The following TRPM3 variants were observed in gnomAD, a reference collection of about 807,000 sequenced individuals.
The protein encoded by TRPM3 is transient receptor potential cation channel subfamily M member 3.
In TRPM3, 77 loss-of-function variants were observed where a neutral mutation model predicts 181.2. The observed-to-expected ratio is 0.42, with a 90% CI of 0.35 to 0.51. The LOEUF is 0.51. TRPM3 is among the 20% of genes least tolerant of loss of function. TRPM3 has a pLI of 0.01. For missense variants in TRPM3, 1,759 were observed against 2,196.7 expected, an observed-to-expected ratio of 0.80 and a Z score of 3.98; for synonymous variants, 745 against 796.4, an observed-to-expected ratio of 0.94 and a Z score of 1.09.
At chr9:71,021,957 A>G (rs748839600) in intron 1 of TRPM3, among the ~76,000 whole-genome samples, 2 of 152,218 alleles carry the variant, frequency 1.3e-5, no homozygotes, top group African/African-American at 2.4e-5. Context: ...AAGAAGCTAA[A>G]ATGCAAACAA....
At chr9:71,066,275 A>T (rs2061911326) in intron 1 of TRPM3, among the ~76,000 whole-genome samples, 1 of 152,190 alleles carries the variant, frequency 6.6e-6, no homozygotes, top group African/African-American at 2.4e-5. Context: ...GACCTTTATT[A>T]TTCAAATATC....
intron 1 of TRPM3, among the ~76,000 whole-genome samples, chr9:71,264,378 G>A (rs1447587301): frequency 6.6e-6 from 1 of 152,062 alleles, no homozygotes; most frequent in Non-Finnish European, 1.5e-5. Context: ...AGTGAATGAT[G>A]AGAACACTAA....
intron 1 of TRPM3, among the ~76,000 whole-genome samples, chr9:71,118,629 G>C (rs909787696): frequency 1.3e-5 from 2 of 152,142 alleles, no homozygotes; most frequent in African/African-American, 4.8e-5. Context: ...GACAGGTAGG[G>C]GCACTGAGAG....
At chr9:70,865,717 A>T in intron 1 of TRPM3, among the ~76,000 whole-genome samples, 1 of 152,070 alleles carries the variant, frequency 6.6e-6, no homozygotes, top group South Asian at 2.1e-4. Context: ...AGCATGTGGC[A>T]CCGAAGGCAG....
intron 3 of TRPM3, among the ~76,000 whole-genome samples, chr9:70,859,191 T>C (rs2095463550): frequency 6.6e-6 from 1 of 152,300 alleles, no homozygotes; most frequent in South Asian, 2.1e-4. Context: ...ATTTTAATTT[T>C]GTACTGGGTT....
chr9:70,552,067 G>T (rs937677579), intron 24 of TRPM3, among the ~76,000 whole-genome samples: 7 of 152,190 alleles, frequency 4.6e-5, no homozygotes, highest in Admixed American at 2.0e-4. Context: ...AGAGGCTCTT[G>T]TTCAGTAGAT....
At chr9:71,305,553 G>A (rs1233708568) in intron 1 of TRPM3, among the ~76,000 whole-genome samples, 5 of 152,118 alleles carry the variant, frequency 3.3e-5, no homozygotes, top group African/African-American at 1.2e-4. Flanking sequence ...CTGACTAGAT[G>A]GAGTTACAAG....
intron 7 of TRPM3, among the ~76,000 whole-genome samples, chr9:70,772,321 T>TC (rs2080459041): frequency 1.2e-4 from 3 of 25,880 alleles, no homozygotes; most frequent in Non-Finnish European, 3.5e-4. Flanking sequence ...TCACAGAGAG[T>TC]ATTTTTTTTT....
intron 1 of TRPM3, among the ~76,000 whole-genome samples, chr9:71,300,088 C>T (rs2086638680): frequency 6.6e-6 from 1 of 152,060 alleles, no homozygotes; most frequent in Admixed American, 6.6e-5. Context: ...TGTAAAGAAC[C>T]AAGATGTCAC....
chr9:71,397,761 CAGAAAA>C (rs551110677), intron 1 of TRPM3, among the ~76,000 whole-genome samples: 368 of 149,642 alleles, frequency 2.5e-3, no homozygotes, highest in African/African-American at 8.3e-3. Flanking sequence ...ATGTTTACAT[CAGAAAA>C]AGAAAAAGAA....
intron 1 of TRPM3, among the ~76,000 whole-genome samples, chr9:71,205,357 T>G (rs2079063779): frequency 6.6e-6 from 1 of 152,120 alleles, no homozygotes; most frequent in South Asian, 2.1e-4. Flanking sequence ...CAAAAAAGCT[T>G]CTCATTCAGC....
At chr9:71,255,547 C>G (rs1438728032) in intron 1 of TRPM3, among the ~76,000 whole-genome samples, 1 of 152,040 alleles carries the variant, frequency 6.6e-6, no homozygotes, top group African/African-American at 2.4e-5. Context: ...AGACATAATG[C>G]TATATACAAA....
chr9:71,381,098 GC>G (rs2092789644), intron 1 of TRPM3, among the ~76,000 whole-genome samples: 1 of 152,042 alleles, frequency 6.6e-6, no homozygotes. Context: ...GACAATTACT[GC>G]CCTTAAATCT....
At chr9:70,855,608 C>A (rs1334873154) in intron 3 of TRPM3, among the ~76,000 whole-genome samples, 1 of 152,158 alleles carries the variant, frequency 6.6e-6, no homozygotes, top group African/African-American at 2.4e-5. Context: ...TAAATCTATT[C>A]TAACAATATT....
rs942659318 is a variant in TRPM3, at chr9:70,535,304, G to A, written c.*649C>T. The A allele has an allele frequency of 1.9e-6, 2 of 1,074,310 alleles. No homozygotes were observed. Among genetic ancestry groups the A allele is most frequent in the African/African-American group, 3.2e-5 (2 of 63,028 alleles). 66.5% of individuals were successfully genotyped at this position (1,074,310 alleles called of 1,614,324 possible). A position where few individuals can be genotyped will look rare whatever the true frequency, so the allele number is the denominator to read the frequency against. On this transcript the variant is annotated 3_prime_UTR_variant, in exon 26 of 26. Transcript: ENST00000677713. ...AAAAGGATAAACAGTTGTGGCACCA[G>A]AAGTGAATAGATAAGAGACAGGTGA...
chr9:70,916,486 A>T (rs969277939), intron 1 of TRPM3, among the ~76,000 whole-genome samples: 1 of 152,190 alleles, frequency 6.6e-6, no homozygotes, highest in Non-Finnish European at 1.5e-5. Flanking sequence ...CAAAAAGTTA[A>T]AAAGTGGGGG....
intron 1 of TRPM3, among the ~76,000 whole-genome samples, chr9:71,292,016 G>A (rs1016536457): frequency 3.3e-5 from 5 of 151,780 alleles, no homozygotes; most frequent in South Asian, 2.1e-4. Context: ...AATGAAAGAC[G>A]GAAAAAGGAG....
intron 1 of TRPM3, among the ~76,000 whole-genome samples, chr9:71,118,945 A>G (rs902140041): frequency 3.3e-5 from 5 of 152,210 alleles, no homozygotes; most frequent in African/African-American, 1.2e-4. Context: ...CTTACATTTT[A>G]CTCAAAAGAT....
At chr9:70,881,134 A>C (rs1213009098) in intron 1 of TRPM3, among the ~76,000 whole-genome samples, 1 of 152,098 alleles carries the variant, frequency 6.6e-6, no homozygotes, top group Admixed American at 6.6e-5. Context: ...GGTACATGTG[A>C]TAATTTGATA....
Sources: allele counts gnomAD v4.1 joint callset (sites outside exome capture counted in the v4.1 genomes callset), GRCh38; gene constraint gnomAD v4.1.1; transcripts MANE v1.5; gene names NCBI Gene and HGNC (gene_info 2026-07-23, HGNC 2026-07-21).